The following ANKRD35 variants were observed in gnomAD, a reference collection of about 807,000 sequenced individuals.
ANKRD35 encodes the protein ankyrin repeat domain-containing protein 35.
In ANKRD35, 102 loss-of-function variants were observed where a neutral mutation model predicts 109.9. The observed-to-expected ratio is 0.93, with a 90% confidence interval of 0.79 to 1.09. The LOEUF is 1.09. ANKRD35 is among the 50% of genes least tolerant of loss of function. The probability of loss-of-function intolerance (pLI) is 0.00; values close to 1 mark genes in which losing one functional copy is unlikely to be tolerated. For missense variants in ANKRD35, 1,240 were observed against 1,230.1 expected (o/e 1.01, Z -0.12); for synonymous variants, 515 against 512.4 (o/e 1.01, Z -0.07).
Position 145,872,095 on chromosome 1 carries a change from C to CT in ANKRD35, c.2673dup (p.Glu892ArgfsTer15), listed in dbSNP as rs781783282. 8 of 1,613,208 alleles carry CT rather than the reference C, an allele frequency of 5.0e-6. No individual in the cohort carries two copies. Among genetic ancestry groups the CT allele is most frequent in the Non-Finnish European group, 6.8e-6 (8 of 1,179,678 alleles). On this transcript the variant is annotated frameshift_variant, in exon 10 of 14. Transcript: ENST00000355594. LOFTEE classifies it high-confidence loss of function. The stretch of plus-strand genomic sequence containing the variant: ...CCCCGCATCTCGCTGGCCTGGCGCT[C>CT]TTGTTCGGCTGCCTGAGCGGCCAGG...
At position 145,879,357 on chromosome 1, in the gene ANKRD35, A is replaced by T; in HGVS notation, c.71T>A (p.Leu24Gln). 2 of 1,600,018 alleles carry T rather than the reference A, an allele frequency of 1.2e-6. No individual in the cohort carries two copies. The highest frequency in any genetic ancestry group is 1.7e-6 in the Non-Finnish European group (2 of 1,173,464). The change falls in exon 2 of 14, where the codon CTG becomes CAG. Residue 24 changes from leucine to glutamine, a missense_variant. Transcript: ENST00000355594. ...VERWNRHDQK[L>Q]LEAVHRGDVG... ...ATCCCCCCTGTGCACTGCCTCCAGC[A>T]GCTTCTGATCATGGCGGTTCCATCT...
At position 145,873,306 on chromosome 1, in the gene ANKRD35, A is replaced by G; in HGVS notation, c.1463T>C (p.Met488Thr). ...TVAEPVGPAAMNQLLLQLREE... is the reference protein window; with the variant it reads ...TVAEPVGPAATNQLLLQLREE... ...CCTTAGTTGAAGCAGAAGCTGGTTCATGGCTGCTGGGCCCACTGGTTCAGC... is the reference window on the plus strand; with the variant it reads ...CCTTAGTTGAAGCAGAAGCTGGTTCGTGGCTGCTGGGCCCACTGGTTCAGC... The change falls in exon 10 of 14, where the codon ATG becomes ACG. Residue 488 changes from methionine to threonine, a missense_variant. Met to Thr is a moderately conservative substitution (Grantham distance 81). Transcript: ENST00000355594. 1 of 1,614,150 alleles carries G rather than the reference A, an allele frequency of 6.2e-7. No homozygotes were observed. The highest frequency in any genetic ancestry group is 8.5e-7 in the Non-Finnish European group (1 of 1,180,010).
chr1:145,872,995 G>C lies in ANKRD35; in HGVS notation c.1774C>G (p.Gln592Glu). The C allele has an allele frequency of 6.2e-7, 1 of 1,609,388 alleles. No individual in the cohort carries two copies. The highest frequency in any genetic ancestry group is 1.1e-5 in the South Asian group (1 of 90,484). Residue 592 changes from glutamine to glutamate, a missense_variant, in exon 10 of 14, where the codon CAA becomes GAA. By Grantham distance (29) the Gln-to-Glu change is conservative (BLOSUM62 2). Transcript: ENST00000355594. Reference protein sequence around the residue: ...EEKEKRVPGAQGEPLGALGGE... With the variant: ...EEKEKRVPGAEGEPLGALGGE... ...CCAAGGGCCCCTAGAGGCTCTCCTT[G>C]AGCCCCAGGAACCCTTTTCTCCTTC...
chr1:145,883,076 A>ATTTTTTTT (rs34686883), intron 1 of ANKRD35, among the ~76,000 whole-genome samples: 1 of 83,426 alleles, frequency 1.2e-5, no homozygotes, highest in Admixed American at 1.5e-4. Context: ...GACAGTACCA[A>ATTTTTTTT]TTTTTTTTTT....
At chr1:145,881,313 C>G (rs1260089842) in intron 1 of ANKRD35, among the ~76,000 whole-genome samples, 1 of 151,730 alleles carries the variant, frequency 6.6e-6, no homozygotes, top group Admixed American at 6.6e-5. Flanking sequence ...AAAAAAGAAC[C>G]CAGTCCACCT....
Position 145,885,838 on chromosome 1 carries a change from G to T in ANKRD35, c.-80C>A. 9.1e-7 allele frequency: 1 copy of T among 1,101,720 alleles called. No homozygotes were observed. The highest frequency in any genetic ancestry group is 1.3e-5 in the South Asian group (1 of 78,624). The allele number at this position is 1,101,720 out of a possible 1,614,324, so 68.2% of individuals were successfully genotyped here. ...TCCCGAACCCACCGGACTTGGCTGC[G>T]GCTGTGCAAGAGACAGCTGTCAAAA... is the stretch of plus-strand genomic sequence containing the variant. On this transcript the variant is annotated 5_prime_UTR_variant, in exon 1 of 14. Coordinates refer to ENST00000355594, the MANE Select transcript of ANKRD35 (RefSeq NM_144698.5).
At chr1:145,881,963 T>A (rs1654304844) in intron 1 of ANKRD35, among the ~76,000 whole-genome samples, 1 of 145,870 alleles carries the variant, frequency 6.9e-6, no homozygotes, top group African/African-American at 2.6e-5. Context: ...TTTTTTTTTT[T>A]TTTTTTTTTG....
At chr1:145,876,909 T>C in intron 4 of ANKRD35, 36 bp from the exon 5 acceptor site, 2 of 1,611,936 alleles carry the variant, frequency 1.2e-6, no homozygotes, top group Non-Finnish European at 1.7e-6. Flanking sequence ...GCATGGAGCT[T>C]GGTGTTAACA....
In ANKRD35 at chr1:145,876,123, A is replaced by G. The variant is rs1654060421; in HGVS notation, c.560+17T>C. 6 of 1,611,684 alleles carry G rather than the reference A, an allele frequency of 3.7e-6. 1 individual carries two copies. In the South Asian group the frequency reaches 6.6e-5, roughly 18 times the overall value. On this transcript the variant is annotated intron_variant, in intron 7 of 13. Transcript: ENST00000355594. ...GTCAGGCATGGGAATTGGGGTGCAT[A>G]GACGAGGGGGGCTCACTTGTCATTC...
At chr1:145,874,548 C>T (rs1653986089) in intron 8 of ANKRD35, among the ~76,000 whole-genome samples, 1 of 152,198 alleles carries the variant, frequency 6.6e-6, no homozygotes, top group Non-Finnish European at 1.5e-5. Context: ...ACCAACAAAT[C>T]ACACAAATAG....
At chr1:145,876,724 TG>T in intron 5 of ANKRD35, 85 bp from the exon 6 acceptor site, 1 of 1,609,298 alleles carries the variant, frequency 6.2e-7, no homozygotes, top group African/African-American at 1.3e-5. Flanking sequence ...ACCATTTCAT[TG>T]GTTGGCCCTG....
intron 4 of ANKRD35, 24 bp downstream of exon 4, chr1:145,877,944 G>A (rs1553740429): frequency 2.5e-6 from 4 of 1,608,940 alleles, no homozygotes; most frequent in South Asian, 1.1e-5. Context: ...CTTCATAAGA[G>A]TGGTATCAAG....
chr1:145,869,452 G>A (rs1653728877), intron 10 of ANKRD35, among the ~76,000 whole-genome samples: 1 of 151,980 alleles, frequency 6.6e-6, no homozygotes, highest in South Asian at 2.1e-4. Flanking sequence ...AAAGTGCTGG[G>A]ATTACAGGTG....
At chr1:145,885,487 A>T (rs1654444203) in intron 1 of ANKRD35, among the ~76,000 whole-genome samples, 1 of 151,332 alleles carries the variant, frequency 6.6e-6, no homozygotes, top group Admixed American at 6.6e-5. Context: ...CTAGGAGGAC[A>T]AGAAAGGGGC....
rs893073223 is a variant in ANKRD35 at position 145,885,825 on chromosome 1, C to T, written c.-67G>A. The T allele has an allele frequency of 4.8e-6, 6 of 1,262,614 alleles. No individual in the cohort carries two copies. Among genetic ancestry groups the T allele is most frequent in the South Asian group, 2.4e-5 (2 of 82,874 alleles). The allele number at this position is 1,262,614 out of a possible 1,614,324, so 78.2% of individuals were successfully genotyped here. The stretch of plus-strand genomic sequence containing the variant: ...CCGGGCCACAGGTTCCCGAACCCAC[C>T]GGACTTGGCTGCGGCTGTGCAAGAG... On this transcript the variant is annotated 5_prime_UTR_variant, in exon 1 of 14. Transcript: ENST00000355594.
Position 145,873,415 on chromosome 1 carries a change from A to T in ANKRD35, c.1354T>A (p.Phe452Ile). ...QQLTTNGAQTFGPDHADQLPA... is the reference protein window; with the variant it reads ...QQLTTNGAQTIGPDHADQLPA... ...AGCTGGTCAGCATGATCAGGGCCAAAGGTCTGTGCCCCATTGGTAGTCAGT... is the reference window on the plus strand; with the variant it reads ...AGCTGGTCAGCATGATCAGGGCCAATGGTCTGTGCCCCATTGGTAGTCAGT... The change falls in exon 10 of 14, where the codon TTT (phenylalanine) becomes ATT (isoleucine). Residue 452 changes from phenylalanine (F) to isoleucine (I), a missense_variant. Coordinates refer to ENST00000355594, the MANE Select transcript of ANKRD35 (RefSeq NM_144698.5). The T allele has an allele frequency of 1.9e-6, 3 of 1,614,098 alleles. No homozygotes were observed. The highest frequency in any genetic ancestry group is 2.5e-6 in the Non-Finnish European group (3 of 1,180,006).
chr1:145,885,811 G>A lies in ANKRD35; in HGVS notation c.-53C>T. On this transcript the variant is annotated 5_prime_UTR_variant, in exon 1 of 14. Coordinates refer to ENST00000355594, the MANE Select transcript of ANKRD35 (RefSeq NM_144698.5). The stretch of plus-strand genomic sequence containing the variant: ...GGACGCGCAGAGAGCCGGGCCACAG[G>A]TTCCCGAACCCACCGGACTTGGCTG... 7.1e-7 allele frequency: 1 copy of A among 1,417,410 alleles called. No homozygotes were observed. The allele number at this position is 1,417,410 out of a possible 1,614,324, so 87.8% of individuals were successfully genotyped here. A position where few individuals can be genotyped will look rare whatever the true frequency, so the allele number is the denominator to read the frequency against.
chr1:145,872,563 G>T lies in ANKRD35; in HGVS notation c.2206C>A (p.Leu736Met). 1 of 1,610,912 alleles carries T rather than the reference G, an allele frequency of 6.2e-7. No individual in the cohort carries two copies. Among genetic ancestry groups the T allele is most frequent in the East Asian group, 2.2e-5 (1 of 44,758 alleles). Residue 736 changes from leucine to methionine, a missense_variant, in exon 10 of 14, where the codon CTG (leucine) becomes ATG (methionine). By Grantham distance (15) the Leu-to-Met change is conservative. Transcript: ENST00000355594. ...LEELRACIST[L>M]VDRHREAQQV... ...TGGGCCTCCCGGTGCCGATCCACCA[G>T]GGTGCTGATGCAGGCCCGCAGCTCC...
In ANKRD35 at chr1:145,885,703, C is replaced by T. The variant is rs781955473; in HGVS notation, c.39+17G>A. On this transcript the variant is annotated intron_variant, in intron 1 of 13. Coordinates refer to ENST00000355594, the MANE Select transcript of ANKRD35 (RefSeq NM_144698.5). ...CTGGGATCCCAACCCCATCCTCCCA[C>T]ACATTTTGGCACCTACCGCCACCTG... The T allele has an allele frequency of 1.2e-6, 2 of 1,614,006 alleles. No homozygotes were observed. Among genetic ancestry groups the T allele is most frequent in the Non-Finnish European group, 1.7e-6 (2 of 1,179,932 alleles).
Sources: allele counts gnomAD v4.1 joint callset (sites outside exome capture counted in the v4.1 genomes callset), GRCh38; gene constraint gnomAD v4.1.1; transcripts MANE v1.5; gene names NCBI Gene and HGNC (gene_info 2026-07-23, HGNC 2026-07-21).